Variants in SLC2A9 observed in about 807,000 individuals in gnomAD.
The protein encoded by SLC2A9 is solute carrier family 2 member 9, also known as solute carrier family 2, facilitated glucose transporter member 9.
In SLC2A9, 39 loss-of-function variants were observed where a neutral mutation model predicts 50.6. The observed-to-expected ratio is 0.77, with a 90% CI of 0.60 to 1.01. SLC2A9 has a LOEUF of 1.01. SLC2A9 is among the 50% of genes least tolerant of loss of function. The pLI is 0.00. For missense variants in SLC2A9, 686 were observed against 677.6 expected (o/e 1.01, Z -0.14); for synonymous variants, 324 against 276.9 (o/e 1.17, Z -1.69).
intron 5 of SLC2A9, among the ~76,000 whole-genome samples, chr4:9,962,934 G>C (rs1752501759): frequency 6.6e-6 from 1 of 152,128 alleles, no homozygotes; most frequent in Admixed American, 6.6e-5. Context: ...CCTGTGCCTG[G>C]AATGGTGTTT....
At chr4:9,938,687 C>A (rs575409980) in intron 6 of SLC2A9, among the ~76,000 whole-genome samples, 11 of 152,338 alleles carry the variant, frequency 7.2e-5, no homozygotes, top group African/African-American at 2.6e-4. Flanking sequence ...ATGAGACAAA[C>A]TGAGTTAGAA....
At chr4:9,881,757 TC>T (rs769087000) in intron 10 of SLC2A9, among the ~76,000 whole-genome samples, 1 of 152,202 alleles carries the variant, frequency 6.6e-6, no homozygotes, top group Non-Finnish European at 1.5e-5. Flanking sequence ...CTGAAGGAAT[TC>T]CTGGCAGGGA....
intron 7 of SLC2A9, among the ~76,000 whole-genome samples, chr4:9,914,693 C>A (rs971253706): frequency 6.6e-6 from 1 of 152,060 alleles, no homozygotes; most frequent in Non-Finnish European, 1.5e-5. Context: ...GGATTTGACC[C>A]CAGCAATTGC....
rs544919900 is a variant in SLC2A9, at chr4:9,929,456, C to T, written c.815-8884G>A. Among the ~76,000 whole-genome samples, 14 of 152,322 alleles carry T rather than the reference C, an allele frequency of 9.2e-5. No homozygotes were observed. The South Asian group carries it at 2.7e-3, about 29-fold the overall frequency. On this transcript the variant is annotated intron_variant, in intron 6 of 11. Transcript: ENST00000264784. ...GGCATTTATCTGCCAGCTCCTGCCC[C>T]CAGGGGTATTAACTCCCTGAATGTC...
chr4:9,773,785 T>C (rs187829805), intron 1 of SLC2A9, among the ~76,000 whole-genome samples: 81 of 152,238 alleles, frequency 5.3e-4, no homozygotes, highest in Middle Eastern at 3.4e-3. Context: ...TCTGCTCAAC[T>C]CTTTGTGGGA....
intron 5 of SLC2A9, among the ~76,000 whole-genome samples, chr4:9,956,831 C>T (rs1294784218): frequency 1.3e-5 from 2 of 152,098 alleles, no homozygotes; most frequent in African/African-American, 4.8e-5. Flanking sequence ...ATTCCTTAAA[C>T]GTGGCAGTAC....
At chr4:9,893,238 G>A (rs936951147) in intron 8 of SLC2A9, among the ~76,000 whole-genome samples, 4 of 149,092 alleles carry the variant, frequency 2.7e-5, no homozygotes, top group Non-Finnish European at 6.0e-5. Context: ...TCCCCCCTCC[G>A]CATTCCTGGC....
intron 8 of SLC2A9, among the ~76,000 whole-genome samples, chr4:9,898,024 G>A (rs943328515): frequency 2.0e-5 from 3 of 152,226 alleles, no homozygotes; most frequent in Non-Finnish European, 2.9e-5. Flanking sequence ...CTGGAAGCTG[G>A]GAGAGAGGCA....
At chr4:9,781,877 C>T (rs1011465129) in intron 3 of SLC2A9, 1 of 627,120 alleles carries the variant, frequency 1.6e-6, no homozygotes, top group Admixed American at 3.7e-5. Context: ...CCGCGCGCTC[C>T]GCAGCCCGGC....
intron 10 of SLC2A9, among the ~76,000 whole-genome samples, chr4:9,877,260 T>A (rs1030808379): frequency 4.6e-5 from 7 of 152,236 alleles, no homozygotes; most frequent in African/African-American, 1.7e-4. Flanking sequence ...CAAGTAAGAA[T>A]GTGCCCGTAC....
intron 3 of SLC2A9, among the ~76,000 whole-genome samples, chr4:9,815,524 C>T (rs1004734464): frequency 6.6e-6 from 1 of 152,246 alleles, no homozygotes; most frequent in African/African-American, 2.4e-5. Context: ...ACCCAAGATC[C>T]TTAAAGTTCC....
intron 8 of SLC2A9, among the ~76,000 whole-genome samples, chr4:9,891,240 G>A (rs1014857063): frequency 2.0e-5 from 3 of 152,172 alleles, no homozygotes; most frequent in African/African-American, 7.2e-5. Flanking sequence ...CCCTAAAGCT[G>A]TGTCCTCGAA....
upstream of SLC2A9, chr4:10,025,985 T>C: frequency 6.2e-7 from 1 of 1,613,472 alleles, no homozygotes; most frequent in Non-Finnish European, 8.5e-7. Context: ...TTTCAGGTTT[T>C]GAACTTTTGT....
chr4:9,883,050 TG>T (rs1229595621), intron 10 of SLC2A9, among the ~76,000 whole-genome samples: 1 of 152,178 alleles, frequency 6.6e-6, no homozygotes, highest in African/African-American at 2.4e-5. Flanking sequence ...AAGTGATGCA[TG>T]TATGTCCTTT....
intron 2 of SLC2A9, among the ~76,000 whole-genome samples, chr4:10,001,967 C>T (rs1051671323): frequency 6.6e-6 from 1 of 152,208 alleles, no homozygotes; most frequent in African/African-American, 2.4e-5. Flanking sequence ...GACCAAGGCT[C>T]AGCCAATCAG....
intron 1 of SLC2A9, among the ~76,000 whole-genome samples, chr4:9,773,605 G>A (rs1394471858): frequency 1.3e-5 from 2 of 152,242 alleles, no homozygotes; most frequent in African/African-American, 4.8e-5. Flanking sequence ...CAGGAGCCAG[G>A]CATGTGAAAG....
intron 3 of SLC2A9, among the ~76,000 whole-genome samples, chr4:9,808,828 G>T (rs1360836951): frequency 6.6e-6 from 1 of 152,164 alleles, no homozygotes; most frequent in Admixed American, 6.5e-5. Flanking sequence ...TGGACTTGGG[G>T]TCACAGCTGC....
chr4:9,887,458 G>T, intron 10 of SLC2A9, 109 bp downstream of exon 10: 1 of 1,065,216 alleles, frequency 9.4e-7, no homozygotes, highest in Non-Finnish European at 1.4e-6. Flanking sequence ...CCCCAGTCAG[G>T]CTTTGCTTCT....
At chr4:9,898,779 G>A (rs757149903) in intron 8 of SLC2A9, among the ~76,000 whole-genome samples, 6 of 152,228 alleles carry the variant, frequency 3.9e-5, no homozygotes, top group Non-Finnish European at 8.8e-5. Flanking sequence ...TGTTGGTTGG[G>A]CTCTGCCTCC....
Sources: gnomAD v4.1 joint callset for allele counts (sites outside exome capture counted in the v4.1 genomes callset) on GRCh38, gnomAD v4.1.1 for gene constraint, MANE v1.5 for transcripts, NCBI Gene and HGNC (gene_info 2026-07-23, HGNC 2026-07-21) for gene names.